The following ZNF365 variants were observed in gnomAD, a reference collection of about 807,000 sequenced individuals.
ZNF365 encodes the protein zinc finger protein 365.
In ZNF365, 22 loss-of-function variants were observed where a neutral mutation model predicts 35.0. The ratio of observed to expected loss-of-function variants is 0.63; its 90% confidence interval spans 0.45 to 0.90. ZNF365 has a LOEUF of 0.90. ZNF365 is among the 40% of genes least tolerant of loss of function. ZNF365 has a pLI of 0.00. For missense variants in ZNF365, 448 were observed against 500.3 expected (o/e 0.90, Z 1.00); for synonymous variants, 188 against 196.2 (o/e 0.96, Z 0.35).
At chr10:62,448,830 TTAAA>T (rs1385309850) in intron 3 of ZNF365, among the ~76,000 whole-genome samples, 2 of 152,114 alleles carry the variant, frequency 1.3e-5, no homozygotes, top group African/African-American at 4.8e-5. Context: ...AATCTCCAAC[TTAAA>T]TAAAAGCAAA....
intron 4 of ZNF365, among the ~76,000 whole-genome samples, chr10:62,467,286 G>A (rs1564601245): frequency 6.6e-6 from 1 of 152,188 alleles, no homozygotes; most frequent in African/African-American, 2.4e-5. Flanking sequence ...GGTCAAAATT[G>A]TAGATTTTTT....
intron 3 of ZNF365, among the ~76,000 whole-genome samples, chr10:62,456,476 G>C (rs916445225): frequency 6.6e-6 from 1 of 152,016 alleles, no homozygotes; most frequent in African/African-American, 2.4e-5. Flanking sequence ...TCTATCATTG[G>C]TTACCTGTAT....
downstream of ZNF365, among the ~76,000 whole-genome samples, chr10:62,403,531 G>A (rs552395306): frequency 3.5e-4 from 54 of 152,238 alleles, no homozygotes; most frequent in African/African-American, 8.7e-4. Context: ...AGTGGCGGGC[G>A]CCTGTAGTCC....
chr10:62,438,582 G>GA (rs1840445305), intron 3 of ZNF365, among the ~76,000 whole-genome samples: 1 of 151,860 alleles, frequency 6.6e-6, no homozygotes, highest in South Asian at 2.1e-4. Context: ...ATAGATAAAG[G>GA]AAAAAAACAT....
chr10:62,387,927 G>A (rs1839550766), intron 2 of ZNF365, among the ~76,000 whole-genome samples: 1 of 152,106 alleles, frequency 6.6e-6, no homozygotes, highest in Non-Finnish European at 1.5e-5. Context: ...GTCTCACAGT[G>A]ACCTGTGAGG....
At position 62,451,290 on chromosome 10, in the gene ZNF365, T is replaced by G. The variant is rs150301018; in HGVS notation, c.925-8451T>G. Reference sequence around the variant, plus strand: ...TCCATCCTTCTTCAATTTTTGCCCTTGTTTTGCTTGTGGTGCCTGCCTGAG... The same window carrying G: ...TCCATCCTTCTTCAATTTTTGCCCTGGTTTTGCTTGTGGTGCCTGCCTGAG... On this transcript the variant is annotated intron_variant, in intron 3 of 4. Coordinates refer to the ZNF365 transcript ENST00000395255. 3.3e-5 allele frequency among the ~76,000 whole-genome samples: 5 copies of G among 152,270 alleles called. No individual in the cohort carries two copies. In the East Asian group the frequency reaches 9.6e-4, roughly 29 times the overall value.
At chr10:62,443,056 C>T (rs959899786) in intron 3 of ZNF365, among the ~76,000 whole-genome samples, 2 of 152,186 alleles carry the variant, frequency 1.3e-5, no homozygotes, top group African/African-American at 2.4e-5. Context: ...TCTGAATCAC[C>T]GGACACTCTG....
At chr10:62,450,801 T>C (rs1174524022) in intron 3 of ZNF365, among the ~76,000 whole-genome samples, 2 of 152,202 alleles carry the variant, frequency 1.3e-5, no homozygotes, top group African/African-American at 4.8e-5. Flanking sequence ...AGTGTGTGTT[T>C]TGTGCTTAGA....
intron 3 of ZNF365, among the ~76,000 whole-genome samples, chr10:62,435,403 T>C (rs1304752442): frequency 1.3e-5 from 2 of 152,180 alleles, no homozygotes; most frequent in Non-Finnish European, 1.5e-5. Context: ...GCCTGAGATA[T>C]ATTTATCTGA....
Position 62,399,507 on chromosome 10 carries a change from C to G in ZNF365, c.963-21C>G, listed in dbSNP as rs775844979. ...TCTTTCTGCTCATCTCTTCTCCACT[C>G]CCCCCTCCAACCCTCTGTAGAAGCC... On this transcript the variant is annotated intron_variant, in intron 4 of 4. Coordinates refer to ENST00000395254, the MANE Select transcript of ZNF365 (RefSeq NM_014951.3). 3 of 1,608,794 alleles carry G rather than the reference C, an allele frequency of 1.9e-6. No individual in the cohort carries two copies. In the Admixed American group the frequency reaches 5.1e-5, roughly 27 times the overall value.
In ZNF365 at chr10:62,402,278, T is replaced by G; in HGVS notation, c.*2489T>G. 2 of 985,778 alleles carry G rather than the reference T, an allele frequency of 2.0e-6. No individual in the cohort carries two copies. The highest frequency in any genetic ancestry group is 2.4e-6 in the Non-Finnish European group (2 of 829,922). 61.1% of individuals were successfully genotyped at this position (985,778 alleles called of 1,614,324 possible). A position where few individuals can be genotyped will look rare whatever the true frequency, so the allele number is the denominator to read the frequency against. On this transcript the variant is annotated 3_prime_UTR_variant, in exon 5 of 5. Coordinates refer to ENST00000395254, the MANE Select transcript of ZNF365 (RefSeq NM_014951.3). ...AACCGCTTTTCTTGCTTTTTCCCTTTTTCCCAAACTAGGTTACAGGTTCTT... is the reference window on the plus strand; with the variant it reads ...AACCGCTTTTCTTGCTTTTTCCCTTGTTCCCAAACTAGGTTACAGGTTCTT...
chr10:62,463,879 A>G (rs985129935), intron 4 of ZNF365, among the ~76,000 whole-genome samples: 10 of 151,686 alleles, frequency 6.6e-5, no homozygotes, highest in East Asian at 1.9e-4. Context: ...CCAATGATCT[A>G]CTACCAACTA....
intron 3 of ZNF365, 136 bp downstream of exon 3, chr10:62,388,712 C>T (rs1247586152): frequency 1.4e-5 from 15 of 1,083,830 alleles, no homozygotes; most frequent in Non-Finnish European, 1.9e-5. Flanking sequence ...TGGGCCATGC[C>T]TGTATTGTGG....
At chr10:62,398,667 A>G (rs372641706) in intron 3 of ZNF365, 73 bp from the exon 4 acceptor site, 3 of 1,411,378 alleles carry the variant, frequency 2.1e-6, no homozygotes, top group South Asian at 1.2e-5. Context: ...TTTAGAAAGT[A>G]TAAGAAATAT....
exon 5 of ZNF365, chr10:62,479,995 T>C: frequency 6.4e-7 from 1 of 1,571,160 alleles, no homozygotes; most frequent in Non-Finnish European, 8.6e-7. Flanking sequence ...AAATATTTAT[T>C]AAGCATGTTT....
chr10:62,459,833 G>T lies in ZNF365; in HGVS notation c.981+36G>T, dbSNP rs369134440. The T allele has an allele frequency of 3.0e-4, 477 of 1,582,142 alleles. 5 individuals carry two copies. In the South Asian group the frequency reaches 5.2e-3, roughly 17 times the overall value. On this transcript the variant is annotated intron_variant, in intron 4 of 4. Coordinates refer to the ZNF365 transcript ENST00000395255. Reference sequence around the variant, plus strand: ...CACCTGGGTGGGTGGGTTGGGCCTGGTTACAATAACCAGCAGCCCATCTGG... The same window carrying T: ...CACCTGGGTGGGTGGGTTGGGCCTGTTTACAATAACCAGCAGCCCATCTGG...
At chr10:62,390,496 A>G (rs4746569) in intron 3 of ZNF365, among the ~76,000 whole-genome samples, 3 of 152,066 alleles carry the variant, frequency 2.0e-5, no homozygotes, top group Non-Finnish European at 4.4e-5. Flanking sequence ...TTGGCTTGAA[A>G]GTTGAACATT....
At chr10:62,396,502 C>A (rs1668252455) in intron 3 of ZNF365, among the ~76,000 whole-genome samples, 1 of 152,176 alleles carries the variant, frequency 6.6e-6, no homozygotes, top group South Asian at 2.1e-4. Context: ...TCTAGACATG[C>A]ACAATTTATA....
chr10:62,479,219 T>G (rs1008561069), intron 4 of ZNF365, among the ~76,000 whole-genome samples: 1 of 152,220 alleles, frequency 6.6e-6, no homozygotes, highest in Non-Finnish European at 1.5e-5. Flanking sequence ...TTAGTAGAAC[T>G]TTGTTGTTCA....
Sources: allele counts gnomAD v4.1 joint callset (sites outside exome capture counted in the v4.1 genomes callset), GRCh38; gene constraint gnomAD v4.1.1; transcripts MANE v1.5; gene names NCBI Gene and HGNC (gene_info 2026-07-23, HGNC 2026-07-21).